ADGRB3: variants seen among roughly 807,000 people sequenced by gnomAD.
ADGRB3 encodes brain-specific angiogenesis inhibitor 3.
ADGRB3 carries 37 observed loss-of-function variants against 193.4 expected under a neutral mutation model. That is an observed-to-expected ratio of 0.19 (90% CI 0.15 to 0.25). The LOEUF (loss-of-function observed/expected upper bound fraction) is 0.25. ADGRB3 is among the 10% of genes least tolerant of loss of function. The probability of loss-of-function intolerance (pLI) is 1.00; values close to 1 mark genes in which losing one functional copy is unlikely to be tolerated. For synonymous variants in ADGRB3, 690 were observed against 644.2 expected, an observed-to-expected ratio of 1.07 and a Z score of -1.08; for missense variants, 1,637 against 1,852.9, an observed-to-expected ratio of 0.88 and a Z score of 2.14.
intron 3 of ADGRB3, among the ~76,000 whole-genome samples, chr6:68,647,584 A>G (rs1768246964): frequency 6.6e-6 from 1 of 152,204 alleles, no homozygotes; most frequent in Non-Finnish European, 1.5e-5. Context: ...GATGAAGAAC[A>G]GGTAACATCT....
chr6:68,703,649 G>C (rs1765279098), intron 3 of ADGRB3, among the ~76,000 whole-genome samples: 1 of 152,130 alleles, frequency 6.6e-6, no homozygotes, highest in South Asian at 2.1e-4. Context: ...TTGAGACAGA[G>C]TCTCGCTCTG....
intron 17 of ADGRB3, among the ~76,000 whole-genome samples, chr6:69,222,696 G>T (rs964775341): frequency 6.6e-6 from 1 of 151,994 alleles, no homozygotes; most frequent in African/African-American, 2.4e-5. Flanking sequence ...ATTTATTGAA[G>T]CCATTATTTC....
intron 12 of ADGRB3, 73 bp from the exon 13 acceptor site, chr6:69,018,318 A>C (rs1474972764): frequency 1.1e-6 from 1 of 910,842 alleles, no homozygotes; most frequent in Non-Finnish European, 1.6e-6. Flanking sequence ...CATGTAGTTT[A>C]AAAAAATTCA....
In ADGRB3 at chr6:68,675,673, C is replaced by A. The variant is rs76663282; in HGVS notation, c.757+36241C>A. 5.9e-3 allele frequency among the ~76,000 whole-genome samples: 899 copies of A among 152,236 alleles called. 8 individuals are homozygous for A. Among genetic ancestry groups the A allele is most frequent in the African/African-American group, 0.02 (823 of 41,542 alleles). On this transcript the variant is annotated intron_variant, in intron 3 of 31. Coordinates refer to ENST00000370598, the MANE Select transcript of ADGRB3 (RefSeq NM_001704.3). ...ATGAAAAAAAGATCTACAGAGATAT[C>A]CACTGCAAGAGGAGTTTTCATCGCC...
At chr6:68,916,690 A>G (rs1353469360) in intron 3 of ADGRB3, among the ~76,000 whole-genome samples, 4 of 152,206 alleles carry the variant, frequency 2.6e-5, no homozygotes, top group Admixed American at 2.6e-4. Flanking sequence ...GATAAGAATG[A>G]CAAGACAATC....
At chr6:69,135,213 T>C (rs1774117921) in intron 17 of ADGRB3, among the ~76,000 whole-genome samples, 1 of 152,002 alleles carries the variant, frequency 6.6e-6, no homozygotes, top group African/African-American at 2.4e-5. Context: ...TTGTCCATTA[T>C]AGACTTCTTA....
intron 3 of ADGRB3, among the ~76,000 whole-genome samples, chr6:68,706,290 G>A (rs1484337358): frequency 1.3e-5 from 2 of 152,118 alleles, no homozygotes; most frequent in African/African-American, 4.8e-5. Context: ...CAGCAATGAT[G>A]GAGCTGGCTG....
At chr6:68,695,046 A>T (rs1765134986) in intron 3 of ADGRB3, among the ~76,000 whole-genome samples, 1 of 152,076 alleles carries the variant, frequency 6.6e-6, no homozygotes, top group Non-Finnish European at 1.5e-5. Context: ...GGAAATAGCT[A>T]CATGTGGCAA....
chr6:68,814,707 C>A (rs971364859), intron 3 of ADGRB3, among the ~76,000 whole-genome samples: 2 of 152,104 alleles, frequency 1.3e-5, no homozygotes, highest in African/African-American at 4.8e-5. Flanking sequence ...AGACCAATAT[C>A]CCTGATGAAC....
intron 15 of ADGRB3, among the ~76,000 whole-genome samples, chr6:69,058,620 A>G (rs1771619908): frequency 6.6e-6 from 1 of 151,894 alleles, no homozygotes; most frequent in South Asian, 2.1e-4. Flanking sequence ...GCTGCCTCAC[A>G]TATGTTATGT....
At chr6:69,148,111 A>G (rs556334060) in intron 17 of ADGRB3, among the ~76,000 whole-genome samples, 4 of 152,144 alleles carry the variant, frequency 2.6e-5, no homozygotes, top group African/African-American at 9.6e-5. Flanking sequence ...TGAATTAGAG[A>G]GTTTAGTCTA....
chr6:68,684,525 T>C (rs1436436929), intron 3 of ADGRB3, among the ~76,000 whole-genome samples: 2 of 152,162 alleles, frequency 1.3e-5, no homozygotes, highest in Non-Finnish European at 2.9e-5. Context: ...CATTTTATAA[T>C]GGGGTCACTG....
Position 69,057,511 on chromosome 6 carries a change from TTTTTG to T in ADGRB3, c.2334-5404_2334-5400del, listed in dbSNP as rs200359945. Among the ~76,000 whole-genome samples the T allele has an allele frequency of 4.0e-4, 60 of 151,184 alleles. 2 individuals carry two copies. In the South Asian group the frequency reaches 4.6e-3, roughly 12 times the overall value. ...TCTTAGGGGAAAAACTTTCAGGGTT[TTTTTG>T]TTTTGTTTTGTTTTGTTTGTTTTAC... On this transcript the variant is annotated intron_variant, in intron 15 of 31. Coordinates refer to ENST00000370598, the MANE Select transcript of ADGRB3 (RefSeq NM_001704.3).
chr6:69,240,797 T>C (rs1766367788), intron 20 of ADGRB3, among the ~76,000 whole-genome samples: 1 of 151,988 alleles, frequency 6.6e-6, no homozygotes, highest in South Asian at 2.1e-4. Context: ...TCAGATCTCT[T>C]AGAAATGTTC....
At chr6:69,013,643 A>C (rs917181054) in intron 11 of ADGRB3, among the ~76,000 whole-genome samples, 1 of 152,130 alleles carries the variant, frequency 6.6e-6, no homozygotes, top group African/African-American at 2.4e-5. Flanking sequence ...ACATTGCAAT[A>C]ACAACCACAA....
At chr6:69,375,281 A>G (rs1410451156) in intron 30 of ADGRB3, among the ~76,000 whole-genome samples, 1 of 152,140 alleles carries the variant, frequency 6.6e-6, no homozygotes, top group Non-Finnish European at 1.5e-5. Flanking sequence ...GGTTTTAAAA[A>G]GATGAGGATA....
chr6:69,049,227 A>G (rs1771323991), intron 14 of ADGRB3, 44 bp from the exon 15 acceptor site: 2 of 1,391,742 alleles, frequency 1.4e-6, no homozygotes, highest in Non-Finnish European at 2.0e-6. Context: ...AAGACATAGT[A>G]TTTTCTTGCT....
At chr6:69,326,734 C>G (rs1467703287) in intron 21 of ADGRB3, among the ~76,000 whole-genome samples, 1 of 150,574 alleles carries the variant, frequency 6.6e-6, no homozygotes, top group Non-Finnish European at 1.5e-5. Flanking sequence ...TCCTAATGAA[C>G]TTGGTCCAGT....
intron 3 of ADGRB3, among the ~76,000 whole-genome samples, chr6:68,664,056 A>G (rs944713159): frequency 1.3e-5 from 2 of 151,814 alleles, no homozygotes. Context: ...AAATGAGTCG[A>G]ATATGCTGAA....
Sources: allele counts gnomAD v4.1 joint callset (sites outside exome capture counted in the v4.1 genomes callset), GRCh38; gene constraint gnomAD v4.1.1; transcripts MANE v1.5; gene names NCBI Gene and HGNC (gene_info 2026-07-23, HGNC 2026-07-21).